The following FJX1 variants were observed in gnomAD, a reference collection of about 807,000 sequenced individuals.
The protein encoded by FJX1 is four-jointed box kinase 1, also known as four-jointed box protein 1.
Under a neutral mutation model 28.7 loss-of-function variants are expected in FJX1, and 21 were observed. The observed-to-expected ratio is 0.73, with a 90% confidence interval of 0.52 to 1.05. FJX1 has a LOEUF of 1.05. FJX1 is among the 50% of genes least tolerant of loss of function. The probability of loss-of-function intolerance (pLI) is 0.00; values close to 1 mark genes in which losing one functional copy is unlikely to be tolerated. For synonymous variants in FJX1, 363 were observed against 310.0 expected (o/e 1.17, Z -1.80); for missense variants, 683 against 647.2 (o/e 1.06, Z -0.60).
At position 35,618,786 on chromosome 11, in the gene FJX1, G is replaced by A; in HGVS notation, c.150G>A (p.Pro50=). ...CCGAAGACCGACTCCCACGGCGCCC[G>A]GCCCGGAGCGGCGGCCCCGCGCCCG... is the stretch of plus-strand genomic sequence containing the variant. ...RPPEDRLPRR[P]ARSGGPAPAP... The change falls in exon 1 of 1, where the codon CCG becomes CCA. Residue 50 remains proline, a synonymous_variant. Coordinates refer to ENST00000317811, the MANE Select transcript of FJX1 (RefSeq NM_014344.4). The surrounding 1 kb of genome is among the most constrained non-coding windows in gnomAD (Gnocchi z 4.2). 2 of 1,246,152 alleles carry A rather than the reference G, an allele frequency of 1.6e-6. No homozygotes were observed. The highest frequency in any genetic ancestry group is 1.6e-5 in the African/African-American group (1 of 63,354). The allele number at this position is 1,246,152 out of a possible 1,614,324, so 77.2% of individuals were successfully genotyped here. A position where few individuals can be genotyped will look rare whatever the true frequency, so the allele number is the denominator to read the frequency against.
Position 35,619,959 on chromosome 11 carries a change from G to T in FJX1, c.*9G>T. 6.3e-7 allele frequency: 1 copy of T among 1,584,006 alleles called. No homozygotes were observed. The highest frequency in any genetic ancestry group is 2.3e-5 in the East Asian group (1 of 43,284). On this transcript the variant is annotated 3_prime_UTR_variant, in exon 1 of 1. Coordinates refer to ENST00000317811, the MANE Select transcript of FJX1 (RefSeq NM_014344.4). This position sits in a 1 kb window ranked among gnomAD's most constrained non-coding sequence, Gnocchi z 7.6. ...GCCGGTCTGGGACTTAGTGTCACCG[G>T]GAGGAAAAGAGAGAGATCTGGGGCT...
In FJX1 at chr11:35,619,278, G is replaced by C. The variant is rs541864604; in HGVS notation, c.642G>C (p.Arg214=). 3.2e-6 allele frequency: 5 copies of C among 1,564,796 alleles called. No homozygotes were observed. The highest frequency in any genetic ancestry group is 2.7e-5 in the African/African-American group (2 of 73,552). Residue 214 remains arginine (R), a synonymous_variant, in exon 1 of 1, where the codon CGG becomes CGC. Transcript: ENST00000317811. The surrounding 1 kb of genome is among the most constrained non-coding windows in gnomAD (Gnocchi z 7.6). ...ACGTGCCGCCGCTGGCACTGGCTCG[G>C]GTGGAGGCTCGGGGCGCGCAGTGGG... The part of the protein sequence containing the change: ...QRHVPPLALA[R]VEARGAQWAQ...
In FJX1 at chr11:35,620,227, C is replaced by G. The variant is rs894535820; in HGVS notation, c.*277C>G. On this transcript the variant is annotated 3_prime_UTR_variant, in exon 1 of 1. Transcript: ENST00000317811. ...ACTGTGCCAGCACGGGGATTGGATC[C>G]GAAGAAACTGGCTACTGGGGTTTGG... The G allele has an allele frequency of 1.5e-5, 8 of 543,062 alleles. No homozygotes were observed. Among genetic ancestry groups the G allele is most frequent in the African/African-American group, 1.4e-4 (7 of 49,886 alleles). 33.6% of individuals were successfully genotyped at this position (543,062 alleles called of 1,614,324 possible). A position where few individuals can be genotyped will look rare whatever the true frequency, so the allele number is the denominator to read the frequency against.
In FJX1 at chr11:35,619,216, T is replaced by A; in HGVS notation, c.580T>A (p.Ser194Thr). 1.9e-6 allele frequency: 3 copies of A among 1,588,092 alleles called. No individual in the cohort carries two copies. Among genetic ancestry groups the A allele is most frequent in the Non-Finnish European group, 2.6e-6 (3 of 1,175,634 alleles). ...NPEQIQGEAL[S>T]YYLARLLGLQ... ...GGAGCAGATTCAGGGCGAGGCCCTGTCTTACTATCTGGCGCGCCTGCTGGG... is the reference window on the plus strand; with the variant it reads ...GGAGCAGATTCAGGGCGAGGCCCTGACTTACTATCTGGCGCGCCTGCTGGG... The change falls in exon 1 of 1, where the codon TCT becomes ACT. Residue 194 changes from serine to threonine, a missense_variant. Physicochemically the swap from Ser to Thr is moderately conservative, Grantham distance 58. Transcript: ENST00000317811. This position sits in a 1 kb window ranked among gnomAD's most constrained non-coding sequence, Gnocchi z 7.6.
rs1001285803 is a variant in FJX1, at chr11:35,618,561, C to T, written c.-76C>T. On this transcript the variant is annotated 5_prime_UTR_variant, in exon 1 of 1. Coordinates refer to ENST00000317811, the MANE Select transcript of FJX1 (RefSeq NM_014344.4). The surrounding 1 kb of genome is among the most constrained non-coding windows in gnomAD (Gnocchi z 4.2). ...GCCCCGGAGCCCACAAACTGCCGGG[C>T]CCGCCTCGCCGCCGGGACCCGGGTG... The T allele has an allele frequency of 2.8e-6, 3 of 1,078,896 alleles. No homozygotes were observed. Among genetic ancestry groups the T allele is most frequent in the African/African-American group, 1.7e-5 (1 of 59,242 alleles). The allele number at this position is 1,078,896 out of a possible 1,614,324, so 66.8% of individuals were successfully genotyped here.
At position 35,619,097 on chromosome 11, in the gene FJX1, T is replaced by G. The variant is rs1469573002; in HGVS notation, c.461T>G (p.Val154Gly). ...GAGGCGGCTCGCGGCGCCCGGATGGTGGCCCTGGAGCGCGGGGGTTGCGGG... is the reference window on the plus strand; with the variant it reads ...GAGGCGGCTCGCGGCGCCCGGATGGGGGCCCTGGAGCGCGGGGGTTGCGGG... Reference protein sequence around the residue: ...WLEAARGARMVALERGGCGRS... With the variant: ...WLEAARGARMGALERGGCGRS... The change falls in exon 1 of 1, where the codon GTG (valine) becomes GGG (glycine). Residue 154 changes from valine to glycine, a missense_variant. Val to Gly is a moderately radical substitution (Grantham distance 109, BLOSUM62 -3). Coordinates refer to ENST00000317811, the MANE Select transcript of FJX1 (RefSeq NM_014344.4). The surrounding 1 kb of genome is among the most constrained non-coding windows in gnomAD (Gnocchi z 7.6). 6.6e-7 allele frequency: 1 copy of G among 1,506,264 alleles called. No individual in the cohort carries two copies. Among genetic ancestry groups the G allele is most frequent in the Admixed American group, 2.2e-5 (1 of 44,482 alleles). 93.3% of individuals were successfully genotyped at this position (1,506,264 alleles called of 1,614,324 possible). A position where few individuals can be genotyped will look rare whatever the true frequency, so the allele number is the denominator to read the frequency against.
In FJX1 at chr11:35,618,769, C is replaced by G; in HGVS notation, c.133C>G (p.Arg45Gly). ...GCCCGCCTCCCGGCCGCCCGAAGACCGACTCCCACGGCGCCCGGCCCGGAG... is the reference window on the plus strand; with the variant it reads ...GCCCGCCTCCCGGCCGCCCGAAGACGGACTCCCACGGCGCCCGGCCCGGAG... ...ELPASRPPED[R>G]LPRRPARSGG... The change falls in exon 1 of 1, where the codon CGA becomes GGA. Residue 45 changes from arginine (R) to glycine (G), a missense_variant. Arg to Gly is a moderately radical substitution (Grantham distance 125, BLOSUM62 -2). Coordinates refer to ENST00000317811, the MANE Select transcript of FJX1 (RefSeq NM_014344.4). This position sits in a 1 kb window ranked among gnomAD's most constrained non-coding sequence, Gnocchi z 4.2. 1 of 1,259,280 alleles carries G rather than the reference C, an allele frequency of 7.9e-7. No individual in the cohort carries two copies. The highest frequency in any genetic ancestry group is 2.4e-5 in the South Asian group (1 of 42,154). The allele number at this position is 1,259,280 out of a possible 1,614,324, so 78.0% of individuals were successfully genotyped here.
At position 35,619,918 on chromosome 11, in the gene FJX1, A is replaced by G; in HGVS notation, c.1282A>G (p.Lys428Glu). Reference protein sequence around the residue: ...DFLAKHILHCKAKYGRRSGT With the variant: ...DFLAKHILHCEAKYGRRSGT The stretch of plus-strand genomic sequence containing the variant: ...CCTCGCCAAGCACATTTTGCACTGT[A>G]AGGCCAAGTACGGCCGCCGGTCTGG... The change falls in exon 1 of 1, where the codon AAG becomes GAG. Residue 428 changes from lysine to glutamate, a missense_variant. Physicochemically the swap from Lys to Glu is moderately conservative, Grantham distance 56. Coordinates refer to ENST00000317811, the MANE Select transcript of FJX1 (RefSeq NM_014344.4). This position sits in a 1 kb window ranked among gnomAD's most constrained non-coding sequence, Gnocchi z 7.6. 4 of 1,586,646 alleles carry G rather than the reference A, an allele frequency of 2.5e-6. No individual in the cohort carries two copies. The highest frequency in any genetic ancestry group is 3.4e-6 in the Non-Finnish European group (4 of 1,167,676).
Position 35,620,091 on chromosome 11 carries a change from C to G in FJX1, c.*141C>G. The G allele has an allele frequency of 3.9e-6, 5 of 1,267,186 alleles. No individual in the cohort carries two copies. The East Asian group carries it at 1.3e-4, about 32-fold the overall frequency. The allele number at this position is 1,267,186 out of a possible 1,614,324, so 78.5% of individuals were successfully genotyped here. On this transcript the variant is annotated 3_prime_UTR_variant, in exon 1 of 1. Coordinates refer to ENST00000317811, the MANE Select transcript of FJX1 (RefSeq NM_014344.4). Reference sequence around the variant, plus strand: ...CTAAAAACTTCAGCTTTTCACCCACCTGCCCCTTTCTTTCAATCCCACGCT... The same window carrying G: ...CTAAAAACTTCAGCTTTTCACCCACGTGCCCCTTTCTTTCAATCCCACGCT...
rs77030854 is a variant in FJX1 at position 35,619,521 on chromosome 11, C to T, written c.885C>T (p.Phe295=). The part of the protein sequence containing the change: ...DLVQWTDLIL[F]DYLTANFDRL... ...TACAATGGACCGACTTAATCCTTTT[C>T]GACTACCTGACGGCCAACTTCGACC... The change falls in exon 1 of 1, where the codon TTC becomes TTT. Residue 295 remains phenylalanine, a synonymous_variant. Coordinates refer to ENST00000317811, the MANE Select transcript of FJX1 (RefSeq NM_014344.4). This position sits in a 1 kb window ranked among gnomAD's most constrained non-coding sequence, Gnocchi z 7.6. The T allele has an allele frequency of 1.9e-6, 3 of 1,600,040 alleles. No homozygotes were observed. Among genetic ancestry groups the T allele is most frequent in the Admixed American group, 3.3e-5 (2 of 60,030 alleles).
Position 35,619,676 on chromosome 11 carries a change from A to G in FJX1, c.1040A>G (p.Tyr347Cys), listed in dbSNP as rs768302122. ...LDNEAGLVHGYRVAGMWDKYN... is the reference protein window; with the variant it reads ...LDNEAGLVHGCRVAGMWDKYN... ...AATGAGGCGGGCTTGGTGCACGGCT[A>G]CCGGGTAGCAGGCATGTGGGACAAG... The change falls in exon 1 of 1, where the codon TAC (tyrosine) becomes TGC (cysteine). Residue 347 changes from tyrosine to cysteine, a missense_variant. Physicochemically the swap from Tyr to Cys is radical, Grantham distance 194 (BLOSUM62 -2). Transcript: ENST00000317811. The surrounding 1 kb of genome is among the most constrained non-coding windows in gnomAD (Gnocchi z 7.6). 33 of 1,608,654 alleles carry G rather than the reference A, an allele frequency of 2.1e-5. No homozygotes were observed. Among genetic ancestry groups the G allele is most frequent in the Non-Finnish European group, 2.5e-6 (3 of 1,178,876 alleles).
Position 35,619,005 on chromosome 11 carries a change from C to G in FJX1, c.369C>G (p.Phe123Leu), listed in dbSNP as rs770068620. 2.1e-4 allele frequency: 315 copies of G among 1,472,212 alleles called. No homozygotes were observed. The highest frequency in any genetic ancestry group is 6.5e-5 in the Non-Finnish European group (73 of 1,122,928). The allele number at this position is 1,472,212 out of a possible 1,614,324, so 91.2% of individuals were successfully genotyped here. ...EESAAVHGGV[F>L]WSRGLEEQVP... The stretch of plus-strand genomic sequence containing the variant: ...GCGCCGCGGTGCACGGGGGCGTCTT[C>G]TGGAGCCGCGGCCTGGAGGAGCAGG... The change falls in exon 1 of 1, where the codon TTC becomes TTG. Residue 123 changes from phenylalanine (F) to leucine (L), a missense_variant. By Grantham distance (22) the Phe-to-Leu change is conservative. Coordinates refer to ENST00000317811, the MANE Select transcript of FJX1 (RefSeq NM_014344.4). This position sits in a 1 kb window ranked among gnomAD's most constrained non-coding sequence, Gnocchi z 7.6.
At position 35,618,934 on chromosome 11, in the gene FJX1, G is replaced by A. The variant is rs543372054; in HGVS notation, c.298G>A (p.Glu100Lys). The change falls in exon 1 of 1, where the codon GAG becomes AAG. Residue 100 changes from glutamate to lysine, a missense_variant. Transcript: ENST00000317811. The surrounding 1 kb of genome is among the most constrained non-coding windows in gnomAD (Gnocchi z 4.2). Reference protein sequence around the residue: ...ADGPPRQSRSEPRWHVSARQP... With the variant: ...ADGPPRQSRSKPRWHVSARQP... ...CGGCCCGCCCCGGCAGTCCCGGAGC[G>A]AGCCCAGGTGGCACGTGTCAGCCAG... is the stretch of plus-strand genomic sequence containing the variant. 18 of 1,460,820 alleles carry A rather than the reference G, an allele frequency of 1.2e-5. No individual in the cohort carries two copies. The Admixed American group carries it at 1.5e-4, about 12-fold the overall frequency. The allele number at this position is 1,460,820 out of a possible 1,614,324, so 90.5% of individuals were successfully genotyped here.
chr11:35,618,969 G>A lies in FJX1; in HGVS notation c.333G>A (p.Arg111=). 1 of 1,475,878 alleles carries A rather than the reference G, an allele frequency of 6.8e-7. No homozygotes were observed. Among genetic ancestry groups the A allele is most frequent in the Non-Finnish European group, 8.9e-7 (1 of 1,122,120 alleles). The allele number at this position is 1,475,878 out of a possible 1,614,324, so 91.4% of individuals were successfully genotyped here. A position where few individuals can be genotyped will look rare whatever the true frequency, so the allele number is the denominator to read the frequency against. The part of the protein sequence containing the change: ...PRWHVSARQP[R]PEESAAVHGG... Reference sequence around the variant, plus strand: ...GGCACGTGTCAGCCAGGCAGCCCCGGCCGGAGGAGAGCGCCGCGGTGCACG... The same window carrying A: ...GGCACGTGTCAGCCAGGCAGCCCCGACCGGAGGAGAGCGCCGCGGTGCACG... Residue 111 remains arginine, a synonymous_variant, in exon 1 of 1, where the codon CGG becomes CGA. Coordinates refer to ENST00000317811, the MANE Select transcript of FJX1 (RefSeq NM_014344.4). The surrounding 1 kb of genome is among the most constrained non-coding windows in gnomAD (Gnocchi z 4.2).
At position 35,619,041 on chromosome 11, in the gene FJX1, C is replaced by T. The variant is rs1213634738; in HGVS notation, c.405C>T (p.Gly135=). The T allele has an allele frequency of 1.4e-6, 2 of 1,466,988 alleles. No individual in the cohort carries two copies. Among genetic ancestry groups the T allele is most frequent in the Middle Eastern group, 2.2e-4 (1 of 4,528 alleles). 90.9% of individuals were successfully genotyped at this position (1,466,988 alleles called of 1,614,324 possible). A position where few individuals can be genotyped will look rare whatever the true frequency, so the allele number is the denominator to read the frequency against. The change falls in exon 1 of 1, where the codon GGC becomes GGT. Residue 135 remains glycine, a synonymous_variant. Transcript: ENST00000317811. This position sits in a 1 kb window ranked among gnomAD's most constrained non-coding sequence, Gnocchi z 7.6. ...SRGLEEQVPP[G]FSEAQAAAWL... ...GCCTGGAGGAGCAGGTGCCCCCGGG[C>T]TTTTCGGAGGCCCAGGCGGCGGCGT...
rs771785260 is a variant in FJX1 at position 35,619,538 on chromosome 11, A to T, written c.902A>T (p.Asn301Ile). The change falls in exon 1 of 1, where the codon AAC (asparagine) becomes ATC (isoleucine). Residue 301 changes from asparagine (N) to isoleucine (I), a missense_variant. By Grantham distance (149) the Asn-to-Ile change is moderately radical (BLOSUM62 -3). Coordinates refer to ENST00000317811, the MANE Select transcript of FJX1 (RefSeq NM_014344.4). The surrounding 1 kb of genome is among the most constrained non-coding windows in gnomAD (Gnocchi z 7.6). The stretch of plus-strand genomic sequence containing the variant: ...ATCCTTTTCGACTACCTGACGGCCA[A>T]CTTCGACCGGCTCGTAAGCAACCTC... ...DLILFDYLTA[N>I]FDRLVSNLFS... is the part of the protein sequence containing the mutation. The T allele has an allele frequency of 3.1e-6, 5 of 1,600,848 alleles. No homozygotes were observed. Among genetic ancestry groups the T allele is most frequent in the African/African-American group, 1.3e-5 (1 of 74,934 alleles).
In FJX1 at chr11:35,619,140, G is replaced by A. The variant is rs756889835; in HGVS notation, c.504G>A (p.Leu168=). 1 of 1,569,196 alleles carries A rather than the reference G, an allele frequency of 6.4e-7. No homozygotes were observed. Among genetic ancestry groups the A allele is most frequent in the Non-Finnish European group, 8.6e-7 (1 of 1,168,920 alleles). The change falls in exon 1 of 1, where the codon CTG becomes CTA. Residue 168 remains leucine, a synonymous_variant. Coordinates refer to ENST00000317811, the MANE Select transcript of FJX1 (RefSeq NM_014344.4). The surrounding 1 kb of genome is among the most constrained non-coding windows in gnomAD (Gnocchi z 7.6). ...GTTGCGGGCGCAGCTCCAACCGACT[G>A]GCCCGTTTTGCCGACGGCACCCGCG... ...RGGCGRSSNR[L]ARFADGTRAC...
Position 35,619,406 on chromosome 11 carries a change from C to A in FJX1, c.770C>A (p.Pro257His). The change falls in exon 1 of 1, where the codon CCC becomes CAC. Residue 257 changes from proline to histidine, a missense_variant. By Grantham distance (77) the Pro-to-His change is moderately conservative. Transcript: ENST00000317811. The surrounding 1 kb of genome is among the most constrained non-coding windows in gnomAD (Gnocchi z 7.6). ...PNLTDVVVPA[P>H]WRSEDGRLRP... ...CTCACGGACGTGGTGGTGCCCGCGC[C>A]CTGGCGCTCGGAGGACGGCCGTCTG... 6.3e-7 allele frequency: 1 copy of A among 1,596,738 alleles called. No individual in the cohort carries two copies. Among genetic ancestry groups the A allele is most frequent in the Non-Finnish European group, 8.5e-7 (1 of 1,178,940 alleles).
In FJX1 at chr11:35,620,057, C is replaced by A; in HGVS notation, c.*107C>A. The A allele has an allele frequency of 6.7e-7, 1 of 1,481,500 alleles. No homozygotes were observed. Among genetic ancestry groups the A allele is most frequent in the South Asian group, 1.3e-5 (1 of 77,384 alleles). 91.8% of individuals were successfully genotyped at this position (1,481,500 alleles called of 1,614,324 possible). On this transcript the variant is annotated 3_prime_UTR_variant, in exon 1 of 1. Transcript: ENST00000317811. ...GGACCAGCCGGCCAACGCCCACCCG[C>A]AAAGGTGTCTAAAAACTTCAGCTTT...
Sources: allele counts gnomAD v4.1 joint callset, GRCh38; gene constraint gnomAD v4.1.1; non-coding constraint Gnocchi (gnomAD v3.1); transcripts MANE v1.5; gene names NCBI Gene and HGNC (gene_info 2026-07-23, HGNC 2026-07-21).